Variants in AGTR1 observed in about 807,000 individuals in gnomAD.
The protein encoded by AGTR1 is type-1 angiotensin II receptor.
A neutral mutation model predicts 19.4 loss-of-function variants in AGTR1; 16 were observed. The ratio of observed to expected loss-of-function variants is 0.82; its 90% CI spans 0.56 to 1.25. AGTR1 has a LOEUF of 1.25. Ranked by LOEUF, AGTR1 falls within the 50% of genes most tolerant of loss-of-function variation. The pLI is 0.00. For synonymous variants in AGTR1, 153 were observed against 154.9 expected, an observed-to-expected ratio of 0.99 and a Z score of 0.09; for missense variants, 373 against 431.9, an observed-to-expected ratio of 0.86 and a Z score of 1.21.
intron 1 of AGTR1, among the ~76,000 whole-genome samples, chr3:148,706,568 T>C (rs1712680484): frequency 6.6e-6 from 1 of 152,006 alleles, no homozygotes; most frequent in Admixed American, 6.6e-5. Context: ...AGTTATCATC[T>C]AAACAAGAAA....
chr3:148,718,610 C>T (rs1713429436), intron 2 of AGTR1, among the ~76,000 whole-genome samples: 1 of 152,196 alleles, frequency 6.6e-6, no homozygotes, highest in African/African-American at 2.4e-5. Flanking sequence ...AGCTCAGTCT[C>T]ATGCATTAGT....
chr3:148,713,594 G>A (rs1202712038), intron 2 of AGTR1, among the ~76,000 whole-genome samples: 2 of 152,122 alleles, frequency 1.3e-5, no homozygotes, highest in Non-Finnish European at 1.5e-5. Flanking sequence ...GGAAGCAAAT[G>A]TAATTAGATT....
rs191064020 is a variant in AGTR1 at position 148,733,581 on chromosome 3, A to G, written c.-47-7408A>G. Among the ~76,000 whole-genome samples the G allele has an allele frequency of 2.6e-5, 4 of 152,316 alleles. No individual in the cohort carries two copies. The East Asian group carries it at 5.8e-4, about 22-fold the overall frequency. On this transcript the variant is annotated intron_variant, in intron 2 of 2. Transcript: ENST00000349243. Reference sequence around the variant, plus strand: ...TTTTTTTCACAAATTGGATGAAGCAATTGTTATTGACTAAGCCCATATTGG... The same window carrying G: ...TTTTTTTCACAAATTGGATGAAGCAGTTGTTATTGACTAAGCCCATATTGG...
In AGTR1 at chr3:148,742,509, A is replaced by T. The variant is rs1714975779; in HGVS notation, c.*394A>T. The T allele has an allele frequency of 5.6e-6, 2 of 356,076 alleles. No homozygotes were observed. Among genetic ancestry groups the T allele is most frequent in the Non-Finnish European group, 1.1e-5 (2 of 176,926 alleles). The allele number at this position is 356,076 out of a possible 1,614,324, so 22.1% of individuals were successfully genotyped here. A position where few individuals can be genotyped will look rare whatever the true frequency, so the allele number is the denominator to read the frequency against. On this transcript the variant is annotated 3_prime_UTR_variant, in exon 3 of 3. Coordinates refer to ENST00000349243, the MANE Select transcript of AGTR1 (RefSeq NM_000685.5). ...GAGCAACAGGAGATGAGAGTTCCAG[A>T]TTGTTCTGTCCAGTTTCCAAAGGGC...
chr3:148,726,302 G>A (rs1713932650), intron 2 of AGTR1, among the ~76,000 whole-genome samples: 1 of 151,952 alleles, frequency 6.6e-6, no homozygotes. Flanking sequence ...TCCACCTCCT[G>A]GGTTCAAGTG....
intron 2 of AGTR1, among the ~76,000 whole-genome samples, chr3:148,721,707 G>T (rs529558146): frequency 2.0e-5 from 3 of 152,184 alleles, no homozygotes; most frequent in East Asian, 1.9e-4. Context: ...GAGAGGCCAA[G>T]GAGGCTAGAG....
At chr3:148,719,027 C>T (rs1236619495) in intron 2 of AGTR1, among the ~76,000 whole-genome samples, 1 of 152,152 alleles carries the variant, frequency 6.6e-6, no homozygotes, top group Non-Finnish European at 1.5e-5. Flanking sequence ...TTTTCTCCTT[C>T]ATTTCTTAAA....
intron 2 of AGTR1, chr3:148,739,674 G>A: frequency 1.1e-6 from 1 of 903,816 alleles, no homozygotes; most frequent in Non-Finnish European, 1.4e-6. Context: ...TGTATCCCTT[G>A]CACAGCATCC....
At chr3:148,712,963 C>G (rs891590579) in intron 2 of AGTR1, among the ~76,000 whole-genome samples, 6 of 152,036 alleles carry the variant, frequency 3.9e-5, no homozygotes, top group African/African-American at 1.4e-4. Flanking sequence ...GTAGGAGGCG[C>G]CCCCTGGACT....
chr3:148,710,008 T>A (rs1489649390), intron 2 of AGTR1, among the ~76,000 whole-genome samples: 1 of 152,170 alleles, frequency 6.6e-6, no homozygotes, highest in Non-Finnish European at 1.5e-5. Context: ...CGTATTAAAA[T>A]TAAACTAAAA....
intron 2 of AGTR1, among the ~76,000 whole-genome samples, chr3:148,709,540 G>A (rs890469846): frequency 7.2e-5 from 11 of 152,140 alleles, no homozygotes; most frequent in Non-Finnish European, 1.5e-4. Context: ...AGATGAATAA[G>A]CAAAACATAC....
intron 2 of AGTR1, among the ~76,000 whole-genome samples, chr3:148,726,665 A>T (rs1429394850): frequency 1.3e-5 from 2 of 151,876 alleles, no homozygotes; most frequent in African/African-American, 4.8e-5. Context: ...TTTGTACTTT[A>T]TGGGCTTTTT....
At chr3:148,740,889 A>C (rs576731990) in intron 2 of AGTR1, 100 bp from the exon 3 acceptor site, 8 of 1,084,262 alleles carry the variant, frequency 7.4e-6, no homozygotes, top group Admixed American at 2.5e-5. Context: ...CTAAGACTAA[A>C]GTTGAGTTAC....
In AGTR1 at chr3:148,741,985, T is replaced by G; in HGVS notation, c.950T>G (p.Leu317Arg). The G allele has an allele frequency of 6.2e-7, 1 of 1,613,668 alleles. No individual in the cohort carries two copies. Among genetic ancestry groups the G allele is most frequent in the Non-Finnish European group, 8.5e-7 (1 of 1,179,916 alleles). ...KKFKRYFLQLLKYIPPKAKSH... is the reference protein window; with the variant it reads ...KKFKRYFLQLRKYIPPKAKSH... ...TTTAAAAGATATTTTCTCCAGCTTC[T>G]AAAATATATTCCCCCAAAAGCCAAA... Residue 317 changes from leucine to arginine, a missense_variant, in exon 3 of 3, where the codon CTA becomes CGA. Transcript: ENST00000349243.
chr3:148,704,640 A>C (rs1367135240), intron 1 of AGTR1, among the ~76,000 whole-genome samples: 1 of 152,210 alleles, frequency 6.6e-6, no homozygotes, highest in Non-Finnish European at 1.5e-5. Flanking sequence ...GTCAATGCTC[A>C]AGCCAGTGAC....
At chr3:148,698,540 T>G (rs12721267) in intron 1 of AGTR1, among the ~76,000 whole-genome samples, 2,259 of 152,272 alleles carry the variant, frequency 0.015, 58 homozygotes, top group African/African-American at 0.051. Context: ...GTTGTGCTAC[T>G]TTTGAGGTGA....
intron 2 of AGTR1, among the ~76,000 whole-genome samples, chr3:148,718,720 A>G (rs1209196413): frequency 6.6e-6 from 1 of 152,222 alleles, no homozygotes; most frequent in Non-Finnish European, 1.5e-5. Flanking sequence ...TAAAGCCCTC[A>G]TAAAAGTAGT....
Position 148,741,187 on chromosome 3 carries a change from T to A in AGTR1, c.152T>A (p.Ile51Lys). 1 of 1,614,194 alleles carries A rather than the reference T, an allele frequency of 6.2e-7. No individual in the cohort carries two copies. ...VGIFGNSLVV[I>K]VIYFYMKLKT... ...ATATTTGGAAACAGCTTGGTGGTGA[T>A]AGTCATTTACTTTTATATGAAGCTG... is the stretch of plus-strand genomic sequence containing the variant. The change falls in exon 3 of 3, where the codon ATA (isoleucine) becomes AAA (lysine). Residue 51 changes from isoleucine (I) to lysine (K), a missense_variant. Physicochemically the swap from Ile to Lys is moderately radical, Grantham distance 102. Coordinates refer to ENST00000349243, the MANE Select transcript of AGTR1 (RefSeq NM_000685.5).
At chr3:148,717,235 C>T (rs996735541) in intron 2 of AGTR1, among the ~76,000 whole-genome samples, 2 of 152,140 alleles carry the variant, frequency 1.3e-5, no homozygotes, top group African/African-American at 4.8e-5. Flanking sequence ...ATTAATTGGA[C>T]ACTTACTGGT....
Sources: allele counts gnomAD v4.1 joint callset (sites outside exome capture counted in the v4.1 genomes callset), GRCh38; gene constraint gnomAD v4.1.1; transcripts MANE v1.5; gene names NCBI Gene and HGNC (gene_info 2026-07-23, HGNC 2026-07-21).